Variants in TUNAR observed in about 807,000 individuals in gnomAD.
The protein encoded by TUNAR is transmembrane neural differentiation associated intracellular calcium regulator.
chr14:95,913,880 C>A (rs1489682226), intron 2 of TUNAR, among the ~76,000 whole-genome samples: 1 of 152,166 alleles, frequency 6.6e-6, no homozygotes, highest in South Asian at 2.1e-4. Context: ...CTACAGGTGC[C>A]AGCCACCACA....
chr14:95,910,406 G>A (rs58410570), intron 2 of TUNAR, among the ~76,000 whole-genome samples: 3,634 of 152,294 alleles, frequency 0.024, 131 homozygotes, highest in African/African-American at 0.081. Context: ...TTTGTTGAGT[G>A]GGTGAATGGA....
chr14:95,878,792 G>A (rs1348742506), intron 2 of TUNAR, among the ~76,000 whole-genome samples: 1 of 152,160 alleles, frequency 6.6e-6, no homozygotes, highest in African/African-American at 2.4e-5. Context: ...TGGGGTTGTG[G>A]GATAGGTTAG....
chr14:95,923,068 C>G (rs1274163112), exon 3 of TUNAR: 1 of 398,068 alleles, frequency 2.5e-6, no homozygotes, highest in Non-Finnish European at 4.4e-6. Context: ...CAGGCTTGAC[C>G]CGCACATACC....
chr14:95,895,188 G>A lies in TUNAR; in HGVS notation c.12+18011G>A, dbSNP rs1383308130. On this transcript the variant is annotated intron_variant, in intron 2 of 2. Coordinates refer to ENST00000678517, the Ensembl canonical transcript of TUNAR. This position sits in a 1 kb window ranked among gnomAD's most constrained non-coding sequence, Gnocchi z 4.5. ...GGGACATCTGAGCTGCATCTTAAAG[G>A]AAGAGTAGCAGTTAGCTATGTGCAG... 6.6e-6 allele frequency among the ~76,000 whole-genome samples: 1 copy of A among 152,228 alleles called. No individual in the cohort carries two copies. Among genetic ancestry groups the A allele is most frequent in the African/African-American group, 2.4e-5 (1 of 41,470 alleles).
rs535897006 is a variant in TUNAR at position 95,889,959 on chromosome 14, C to CAAA, written c.12+12798_12+12800dup. Among the ~76,000 whole-genome samples, 385 of 92,162 alleles carry CAAA rather than the reference C, an allele frequency of 4.2e-3. 7 individuals are homozygous for CAAA. The highest frequency in any genetic ancestry group is 6.9e-3 in the African/African-American group (183 of 26,408). 60.5% of individuals were successfully genotyped at this position (92,162 alleles called of 152,430 possible). A position where few individuals can be genotyped will look rare whatever the true frequency, so the allele number is the denominator to read the frequency against. On this transcript the variant is annotated intron_variant, in intron 2 of 2. Coordinates refer to ENST00000678517, the Ensembl canonical transcript of TUNAR. ...CATGGAATTTAGAGGGACACAAAGA[C>CAAA]AAAAAAAAAAAAAAAAAACTGACAA...
In TUNAR at chr14:95,895,641, T is replaced by C. The variant is rs1173969253; in HGVS notation, c.12+18464T>C. On this transcript the variant is annotated intron_variant, in intron 2 of 2. Coordinates refer to ENST00000678517, the Ensembl canonical transcript of TUNAR. This position sits in a 1 kb window ranked among gnomAD's most constrained non-coding sequence, Gnocchi z 4.5. ...ATGATTTAAAGCCCTTCCAAGGGCT[T>C]CCAGGGTCTCTGATCTTCCTGGCAT... is the stretch of plus-strand genomic sequence containing the variant. 1.3e-5 allele frequency among the ~76,000 whole-genome samples: 2 copies of C among 152,126 alleles called. No homozygotes were observed. Among genetic ancestry groups the C allele is most frequent in the African/African-American group, 2.4e-5 (1 of 41,432 alleles).
intron 2 of TUNAR, among the ~76,000 whole-genome samples, chr14:95,919,312 A>G (rs753126936): frequency 1.3e-5 from 2 of 152,258 alleles, no homozygotes; most frequent in Admixed American, 6.5e-5. Flanking sequence ...ATGTAGTAAT[A>G]GGAAATGCAC....
intron 2 of TUNAR, among the ~76,000 whole-genome samples, chr14:95,902,805 G>T (rs1329099003): frequency 6.6e-6 from 1 of 152,164 alleles, no homozygotes; most frequent in Non-Finnish European, 1.5e-5. Context: ...AGAGGAAGGG[G>T]TCTGCATTTC....
At chr14:95,902,213 T>TA (rs1319146762) in intron 2 of TUNAR, among the ~76,000 whole-genome samples, 1 of 152,168 alleles carries the variant, frequency 6.6e-6, no homozygotes, top group Non-Finnish European at 1.5e-5. Flanking sequence ...AGTTTTTTTT[T>TA]AACCCCTGTT....
At position 95,877,834 on chromosome 14, in the gene TUNAR, G is replaced by A. The variant is rs78724923; in HGVS notation, c.12+657G>A. ...CACTTTTTGTCCATCCTGCCATCAC[G>A]CTGCTGCCAACCCCTAATGTGTACT... On this transcript the variant is annotated intron_variant, in intron 2 of 2. Coordinates refer to ENST00000678517, the Ensembl canonical transcript of TUNAR. Among the ~76,000 whole-genome samples, 1,332 of 152,256 alleles carry A rather than the reference G, an allele frequency of 8.7e-3. 17 individuals are homozygous for A. Among genetic ancestry groups the A allele is most frequent in the African/African-American group, 0.031 (1,274 of 41,522 alleles).
intron 2 of TUNAR, among the ~76,000 whole-genome samples, chr14:95,881,257 G>A (rs1181475240): frequency 1.3e-5 from 2 of 152,160 alleles, no homozygotes; most frequent in African/African-American, 4.8e-5. Flanking sequence ...CAAACATGTC[G>A]ATTTCCAAAA....
chr14:95,908,170 C>G (rs958437744), intron 2 of TUNAR, among the ~76,000 whole-genome samples: 3 of 152,168 alleles, frequency 2.0e-5, no homozygotes, highest in African/African-American at 7.2e-5. Context: ...GGGCTTGGCC[C>G]CAGTTTTGCT....
chr14:95,892,090 C>G (rs1459919314), intron 2 of TUNAR, among the ~76,000 whole-genome samples: 1 of 152,224 alleles, frequency 6.6e-6, no homozygotes, highest in East Asian at 1.9e-4. Flanking sequence ...AACAAAGTCA[C>G]AGGTACTAAC....
chr14:95,879,707 G>GTTTT (rs112002523), intron 2 of TUNAR, among the ~76,000 whole-genome samples: 2,553 of 147,724 alleles, frequency 0.017, 42 homozygotes, highest in East Asian at 0.08. Flanking sequence ...CTTAAATCCA[G>GTTTT]TTTTTTTTTT....
intron 2 of TUNAR, among the ~76,000 whole-genome samples, chr14:95,910,171 C>T (rs1889491389): frequency 6.6e-6 from 1 of 152,218 alleles, no homozygotes; most frequent in African/African-American, 2.4e-5. Flanking sequence ...AATTCCTTAT[C>T]TCTAAAATGC....
At chr14:95,897,377 T>C (rs557737914) in intron 2 of TUNAR, among the ~76,000 whole-genome samples, 45 of 152,346 alleles carry the variant, frequency 3.0e-4, no homozygotes, top group South Asian at 2.7e-3. Flanking sequence ...AGATACATTT[T>C]TCTCCAGCAC....
At chr14:95,882,075 T>C (rs1888989546) in intron 2 of TUNAR, among the ~76,000 whole-genome samples, 1 of 152,226 alleles carries the variant, frequency 6.6e-6, no homozygotes, top group Non-Finnish European at 1.5e-5. Context: ...CAGAATGAGT[T>C]AGAAAGCTTG....
intron 2 of TUNAR, among the ~76,000 whole-genome samples, chr14:95,910,352 A>C (rs994237899): frequency 2.6e-5 from 4 of 152,242 alleles, no homozygotes; most frequent in African/African-American, 7.2e-5. Flanking sequence ...TCTGTAAAAA[A>C]CAAAATAGAA....
intron 2 of TUNAR, among the ~76,000 whole-genome samples, chr14:95,882,650 G>A (rs1168588735): frequency 6.6e-6 from 1 of 152,164 alleles, no homozygotes; most frequent in Non-Finnish European, 1.5e-5. Context: ...GAGGGTCAGT[G>A]TATTTCCAGG....
Sources: gnomAD v4.1 joint callset for allele counts (sites outside exome capture counted in the v4.1 genomes callset) on GRCh38, gnomAD v4.1.1 for gene constraint, Gnocchi (gnomAD v3.1) non-coding constraint, MANE v1.5 for transcripts, NCBI Gene and HGNC (gene_info 2026-07-23, HGNC 2026-07-21) for gene names.